UNC13B: variants seen among roughly 807,000 people sequenced by gnomAD.
The protein encoded by UNC13B is unc-13 homolog B.
Under a neutral mutation model 211.0 loss-of-function variants are expected in UNC13B, and 144 were observed. That is an observed-to-expected ratio of 0.68 (90% CI 0.60 to 0.78). The LOEUF (loss-of-function observed/expected upper bound fraction) is 0.78, where lower values mean the gene tolerates loss of function less well. UNC13B is among the 30% of genes least tolerant of loss of function. The pLI is 0.00. For synonymous variants in UNC13B, 709 were observed against 725.8 expected (o/e 0.98, Z 0.37); for missense variants, 1,777 against 2,002.0 (o/e 0.89, Z 2.14).
At chr9:35,393,921 G>T (rs1587764382) in intron 26 of UNC13B, among the ~76,000 whole-genome samples, 1 of 152,242 alleles carries the variant, frequency 6.6e-6, no homozygotes, top group East Asian at 1.9e-4. Flanking sequence ...CATATGTCAA[G>T]CAAGGGATTG....
At chr9:35,394,114 G>A (rs1835721765) in intron 26 of UNC13B, among the ~76,000 whole-genome samples, 1 of 152,144 alleles carries the variant, frequency 6.6e-6, no homozygotes, top group Non-Finnish European at 1.5e-5. Flanking sequence ...GACATTTGGA[G>A]GTGAAATCAG....
At chr9:35,352,182 C>A (rs1587679241) in intron 11 of UNC13B, 2 of 1,232,120 alleles carry the variant, frequency 1.6e-6, no homozygotes, top group Non-Finnish European at 2.0e-6. Context: ...AGTGAGGAAG[C>A]CATTCTGTAT....
rs930380330 is a variant in UNC13B, at chr9:35,304,815, A to T, written c.5411A>T (p.Gln1804Leu). ...DGFQSLIMSK[Q>L]LEGNSPNVEK... ...TTTCAGTCATTAATCATGAGTAAGC[A>T]ATTAGAGGGTAACTCCCCAAATGTG... Residue 1804 changes from glutamine (Q) to leucine (L), a missense_variant, in exon 9 of 40, where the codon CAA (glutamine) becomes CTA (leucine). Coordinates refer to ENST00000635942, the MANE Select transcript of UNC13B (RefSeq NM_001371189.2). 1.0e-5 allele frequency: 4 copies of T among 398,866 alleles called. No individual in the cohort carries two copies. Among genetic ancestry groups the T allele is most frequent in the Non-Finnish European group, 1.8e-5 (4 of 226,002 alleles). 24.7% of individuals were successfully genotyped at this position (398,866 alleles called of 1,614,324 possible).
Position 35,304,232 on chromosome 9 carries a change from C to A in UNC13B, c.4828C>A (p.Leu1610Ile), listed in dbSNP as rs779733903. 1 of 398,762 alleles carries A rather than the reference C, an allele frequency of 2.5e-6. No individual in the cohort carries two copies. Among genetic ancestry groups the A allele is most frequent in the Non-Finnish European group, 4.4e-6 (1 of 225,892 alleles). 24.7% of individuals were successfully genotyped at this position (398,762 alleles called of 1,614,324 possible). A position where few individuals can be genotyped will look rare whatever the true frequency, so the allele number is the denominator to read the frequency against. The change falls in exon 9 of 40, where the codon CTT (leucine) becomes ATT (isoleucine). Residue 1610 changes from leucine (L) to isoleucine (I), a missense_variant. Leu to Ile is a conservative substitution (Grantham distance 5). Coordinates refer to ENST00000635942, the MANE Select transcript of UNC13B (RefSeq NM_001371189.2). ...TGAAGAGGAACCAATTGATGACCCT[C>A]TTGATTTATCTTTAGCTTTGCCAAG... Reference protein sequence around the residue: ...YVEEEPIDDPLDLSLALPRSE... With the variant: ...YVEEEPIDDPIDLSLALPRSE...
At chr9:35,347,790 A>G (rs988688927) in intron 11 of UNC13B, among the ~76,000 whole-genome samples, 5 of 152,224 alleles carry the variant, frequency 3.3e-5, no homozygotes, top group Non-Finnish European at 7.4e-5. Context: ...ATGGGGAACC[A>G]GGCAGCTCTG....
intron 11 of UNC13B, chr9:35,353,248 T>G: frequency 8.1e-7 from 1 of 1,232,254 alleles, no homozygotes; most frequent in Non-Finnish European, 1.0e-6. Flanking sequence ...AGGATGAGGA[T>G]GTGGAAATCA....
intron 1 of UNC13B, among the ~76,000 whole-genome samples, chr9:35,188,865 T>G (rs1420244359): frequency 6.6e-6 from 1 of 152,190 alleles, no homozygotes; most frequent in African/African-American, 2.4e-5. Flanking sequence ...TTATAGATGA[T>G]TCCATCTAAT....
chr9:35,257,851 C>T (rs1484770500), intron 6 of UNC13B, among the ~76,000 whole-genome samples: 1 of 152,032 alleles, frequency 6.6e-6, no homozygotes. Context: ...CGTACAACAC[C>T]ATCAACTTTT....
Position 35,243,365 on chromosome 9 carries a change from G to T in UNC13B, c.468+1G>T. The T allele has an allele frequency of 6.2e-7, 1 of 1,613,424 alleles. No individual in the cohort carries two copies. Among genetic ancestry groups the T allele is most frequent in the Non-Finnish European group, 8.5e-7 (1 of 1,179,562 alleles). On this transcript the variant is annotated splice_donor_variant, in intron 6 of 39. Transcript: ENST00000635942. LOFTEE classifies it high-confidence loss of function. ...CAATGCCTTGGGAGCTGACAATGAG[G>T]TAGGAGCAGCCTTATTTGCAGTATA...
chr9:35,389,121 G>A (rs1835364105), intron 24 of UNC13B, among the ~76,000 whole-genome samples: 1 of 152,154 alleles, frequency 6.6e-6, no homozygotes. Context: ...CTTTGACTTA[G>A]TGGGAGATAA....
intron 1 of UNC13B, among the ~76,000 whole-genome samples, chr9:35,190,537 G>GT (rs994260247): frequency 4.8e-4 from 73 of 151,196 alleles, no homozygotes; most frequent in Admixed American, 7.9e-4. Flanking sequence ...GAGGAAAACA[G>GT]TTTTTTTTTC....
intron 37 of UNC13B, among the ~76,000 whole-genome samples, chr9:35,401,729 G>A (rs1836312541): frequency 6.6e-6 from 1 of 152,112 alleles, no homozygotes; most frequent in Non-Finnish European, 1.5e-5. Context: ...TACTGTTTCT[G>A]CCCATGATTT....
At position 35,353,917 on chromosome 9, in the gene UNC13B, C is replaced by T. The variant is rs370457198; in HGVS notation, c.9415-13030C>T. 5.3e-4 allele frequency: 337 copies of T among 638,074 alleles called. 4 individuals carry two copies. In the South Asian group the frequency reaches 0.017, roughly 32 times the overall value. 39.5% of individuals were successfully genotyped at this position (638,074 alleles called of 1,614,324 possible). Reference sequence around the variant, plus strand: ...GCCAGTTTAATAAGGTGTTGGTTGACGTCCATAGCTTGAATCAGGCTAAAT... The same window carrying T: ...GCCAGTTTAATAAGGTGTTGGTTGATGTCCATAGCTTGAATCAGGCTAAAT... On this transcript the variant is annotated intron_variant, in intron 11 of 39. Coordinates refer to ENST00000635942, the MANE Select transcript of UNC13B (RefSeq NM_001371189.2).
rs554559696 is a variant in UNC13B, at chr9:35,302,778, T to C, written c.3374T>C (p.Leu1125Ser). The change falls in exon 9 of 40, where the codon TTG (leucine) becomes TCG (serine). Residue 1125 changes from leucine to serine, a missense_variant. Physicochemically the swap from Leu to Ser is moderately radical, Grantham distance 145. Transcript: ENST00000635942. ...ATTTCTACCACTTCCAAATCCACTT[T>C]GGTTAATGAAATTAATGAAGATGAG... ...ECISTTSKST[L>S]VNEINEDEVI... 1.3e-5 allele frequency: 5 copies of C among 398,650 alleles called. No homozygotes were observed. Among genetic ancestry groups the C allele is most frequent in the South Asian group, 2.5e-4 (2 of 7,862 alleles). 24.7% of individuals were successfully genotyped at this position (398,650 alleles called of 1,614,324 possible).
chr9:35,246,795 G>C (rs1375847584), intron 6 of UNC13B, among the ~76,000 whole-genome samples: 1 of 152,132 alleles, frequency 6.6e-6, no homozygotes, highest in Non-Finnish European at 1.5e-5. Context: ...GATGCCTCCA[G>C]CTTTGTTCTT....
At chr9:35,340,499 T>C (rs1423422455) in intron 11 of UNC13B, among the ~76,000 whole-genome samples, 1 of 152,202 alleles carries the variant, frequency 6.6e-6, no homozygotes, top group African/African-American at 2.4e-5. Context: ...TGTTCTGCAA[T>C]GGCAGATCCT....
rs1341798973 is a variant in UNC13B, at chr9:35,397,253, G to C, written c.11619G>C (p.Arg3873=). ...TCAATCAGAGCTTTGAGATCATCCG[G>C]AAGCTGGAATGCCCAGACCCCAGCA... The part of the protein sequence containing the change: ...TQLNQSFEII[R]KLECPDPSIL... The change falls in exon 29 of 40, where the codon CGG becomes CGC. Residue 3873 remains arginine, a synonymous_variant. Transcript: ENST00000635942. 2 of 1,614,040 alleles carry C rather than the reference G, an allele frequency of 1.2e-6. No homozygotes were observed. The highest frequency in any genetic ancestry group is 1.7e-5 in the Admixed American group (1 of 60,002).
At chr9:35,332,076 G>A (rs1427146108) in intron 11 of UNC13B, among the ~76,000 whole-genome samples, 2 of 151,928 alleles carry the variant, frequency 1.3e-5, no homozygotes, top group Non-Finnish European at 2.9e-5. Context: ...CCACCTACCA[G>A]GATCAAGCAA....
intron 7 of UNC13B, among the ~76,000 whole-genome samples, chr9:35,294,845 TTGTAAG>T (rs1268001160): frequency 6.6e-6 from 1 of 152,172 alleles, no homozygotes; most frequent in Non-Finnish European, 1.5e-5. Context: ...CAGCGATGAT[TTGTAAG>T]TGTGGTCTTT....
Sources: allele counts gnomAD v4.1 joint callset (sites outside exome capture counted in the v4.1 genomes callset), GRCh38; gene constraint gnomAD v4.1.1; transcripts MANE v1.5; gene names NCBI Gene and HGNC (gene_info 2026-07-23, HGNC 2026-07-21).